MAGI2: variants seen among roughly 807,000 people sequenced by gnomAD.
MAGI2 encodes membrane-associated guanylate kinase, WW and PDZ domain-containing protein 2.
Under a neutral mutation model 133.3 loss-of-function variants are expected in MAGI2, and 35 were observed. The observed-to-expected ratio is 0.26, with a 90% CI of 0.20 to 0.35. The LOEUF (loss-of-function observed/expected upper bound fraction) is 0.35, where lower values mean the gene tolerates loss of function less well. MAGI2 is among the 10% of genes least tolerant of loss of function. The pLI, the probability that MAGI2 is intolerant of heterozygous loss-of-function variation, is 1.00. For synonymous variants in MAGI2, 729 were observed against 710.6 expected (o/e 1.03, Z -0.41); for missense variants, 1,636 against 1,863.4 (o/e 0.88, Z 2.25).
chr7:79,444,784 G>A (rs1193602324), intron 1 of MAGI2, among the ~76,000 whole-genome samples: 1 of 152,078 alleles, frequency 6.6e-6, no homozygotes, highest in Admixed American at 6.6e-5. Flanking sequence ...AGCTACCAAT[G>A]ACTTTCTTCA....
chr7:78,277,106 T>G (rs1487588408), intron 9 of MAGI2, among the ~76,000 whole-genome samples: 1 of 152,196 alleles, frequency 6.6e-6, no homozygotes, highest in Non-Finnish European at 1.5e-5. Context: ...TACATTAGTT[T>G]GATGTATTTT....
intron 1 of MAGI2, among the ~76,000 whole-genome samples, chr7:79,087,843 C>T (rs1816668011): frequency 6.6e-6 from 1 of 151,952 alleles, no homozygotes; most frequent in Admixed American, 6.6e-5. Context: ...CTGTTATGTT[C>T]CATTGGTCTA....
At chr7:79,292,153 T>C (rs367845246) in intron 1 of MAGI2, among the ~76,000 whole-genome samples, 5 of 152,320 alleles carry the variant, frequency 3.3e-5, no homozygotes, top group African/African-American at 1.2e-4. Flanking sequence ...GTACCATTTT[T>C]TGAAAAACCT....
chr7:78,579,378 T>A (rs1423749576), intron 3 of MAGI2, among the ~76,000 whole-genome samples: 1 of 152,158 alleles, frequency 6.6e-6, no homozygotes, highest in Non-Finnish European at 1.5e-5. Context: ...GAAGGAGGGT[T>A]GAGCTGAAGA....
chr7:79,272,609 G>A (rs1049993550), intron 1 of MAGI2, among the ~76,000 whole-genome samples: 2 of 151,982 alleles, frequency 1.3e-5, no homozygotes, highest in Non-Finnish European at 2.9e-5. Context: ...GCAATGCACT[G>A]AGCCCTCTTT....
chr7:78,938,332 A>C (rs192357881), intron 2 of MAGI2, among the ~76,000 whole-genome samples: 1 of 152,228 alleles, frequency 6.6e-6, no homozygotes, highest in Admixed American at 6.5e-5. Context: ...TAACGATTCA[A>C]AGTTGTGTTC....
intron 1 of MAGI2, among the ~76,000 whole-genome samples, chr7:79,044,098 ATAAAAACC>A (rs1811947798): frequency 6.6e-6 from 1 of 152,170 alleles, no homozygotes; most frequent in Admixed American, 6.6e-5. Flanking sequence ...TCATTCTAAC[ATAAAAACC>A]TGTAGAGATA....
At chr7:78,084,861 G>A (rs3779308) in intron 20 of MAGI2, among the ~76,000 whole-genome samples, 31,010 of 152,098 alleles carry the variant, frequency 0.2, 3,158 homozygotes, top group South Asian at 0.24. Flanking sequence ...ATATCTACTG[G>A]CTGTTTTCAT....
intron 10 of MAGI2, among the ~76,000 whole-genome samples, chr7:78,203,843 GA>G (rs1374647562): frequency 6.6e-6 from 1 of 152,216 alleles, no homozygotes; most frequent in African/African-American, 2.4e-5. Context: ...GATGAAGACA[GA>G]AGGTCAAATT....
chr7:78,431,000 T>C (rs541545525), intron 6 of MAGI2, among the ~76,000 whole-genome samples: 26 of 152,140 alleles, frequency 1.7e-4, no homozygotes, highest in African/African-American at 6.0e-4. Flanking sequence ...ATTTAATTCA[T>C]TTCCCAGAGA....
intron 2 of MAGI2, among the ~76,000 whole-genome samples, chr7:78,959,566 C>T (rs970070257): frequency 6.6e-6 from 1 of 152,050 alleles, no homozygotes; most frequent in Non-Finnish European, 1.5e-5. Flanking sequence ...GTCATTGAAG[C>T]AATACATTAT....
Position 78,018,973 on chromosome 7 carries a change from G to T in MAGI2, c.*342C>A, listed in dbSNP as rs1257452416. ...CTGTTTCTTGATATAAAGTTTGGAT[G>T]ACATCCAAGTCCTTCATGCAGTGGG... is the stretch of plus-strand genomic sequence containing the variant. On this transcript the variant is annotated 3_prime_UTR_variant, in exon 22 of 22. Coordinates refer to ENST00000354212, the MANE Select transcript of MAGI2 (RefSeq NM_012301.4). The T allele has an allele frequency of 2.5e-6, 1 of 397,010 alleles. No homozygotes were observed. The highest frequency in any genetic ancestry group is 4.4e-6 in the Non-Finnish European group (1 of 225,290). The allele number at this position is 397,010 out of a possible 1,614,324, so 24.6% of individuals were successfully genotyped here. A position where few individuals can be genotyped will look rare whatever the true frequency, so the allele number is the denominator to read the frequency against.
At position 78,079,071 on chromosome 7, in the gene MAGI2, G is replaced by A; in HGVS notation, c.3582C>T (p.Ile1194=). ...RNGRMRVGDQ[I]IEINGESTRD... ...TTGTGCTTTCCCCATTGATTTCAAT[G>A]ATTTGATCTCCTACCTGTTGATTAA... Residue 1194 remains isoleucine, a synonymous_variant, in exon 21 of 22, where the codon ATC becomes ATT. Transcript: ENST00000354212. 6.2e-7 allele frequency: 1 copy of A among 1,613,538 alleles called. No homozygotes were observed. Among genetic ancestry groups the A allele is most frequent in the Admixed American group, 1.7e-5 (1 of 59,914 alleles).
intron 1 of MAGI2, among the ~76,000 whole-genome samples, chr7:79,315,102 C>A (rs550746272): frequency 5.9e-5 from 9 of 151,264 alleles, no homozygotes; most frequent in Non-Finnish European, 1.3e-4. Flanking sequence ...ATTTGCAACT[C>A]TACGAATATC....
At chr7:78,686,037 A>G (rs1176457611) in intron 2 of MAGI2, among the ~76,000 whole-genome samples, 7 of 133,428 alleles carry the variant, frequency 5.2e-5, no homozygotes, top group Admixed American at 2.4e-4. Context: ...TCTTTTACCT[A>G]TTCACATTGG....
chr7:78,691,126 C>CT (rs1299189025), intron 2 of MAGI2, among the ~76,000 whole-genome samples: 1 of 152,152 alleles, frequency 6.6e-6, no homozygotes, highest in African/African-American at 2.4e-5. Flanking sequence ...GCCTAGAATA[C>CT]TTTTTAACCT....
At chr7:78,144,799 G>T (rs962241335) in intron 16 of MAGI2, among the ~76,000 whole-genome samples, 1 of 152,018 alleles carries the variant, frequency 6.6e-6, no homozygotes, top group African/African-American at 2.4e-5. Context: ...CGTGCAGAAC[G>T]TGCAGGTTTG....
At position 79,115,803 on chromosome 7, in the gene MAGI2, G is replaced by T. The variant is rs965852353; in HGVS notation, c.302-108597C>A. Among the ~76,000 whole-genome samples the T allele has an allele frequency of 4.3e-5, 6 of 138,406 alleles. No homozygotes were observed. The South Asian group carries it at 9.2e-4, about 21-fold the overall frequency. 90.8% of individuals were successfully genotyped at this position (138,406 alleles called of 152,430 possible). A position where few individuals can be genotyped will look rare whatever the true frequency, so the allele number is the denominator to read the frequency against. The stretch of plus-strand genomic sequence containing the variant: ...GGATTCTAAGCAGTATAGCCATTTT[G>T]GTTATTAAAATTAATTTAAAATGTC... On this transcript the variant is annotated intron_variant, in intron 1 of 21. Coordinates refer to ENST00000354212, the MANE Select transcript of MAGI2 (RefSeq NM_012301.4).
At chr7:78,648,604 T>G (rs544915600) in intron 2 of MAGI2, among the ~76,000 whole-genome samples, 3 of 152,326 alleles carry the variant, frequency 2.0e-5, no homozygotes, top group African/African-American at 7.2e-5. Flanking sequence ...AATTAGCGGG[T>G]CTACCTTGGA....
Sources: allele counts gnomAD v4.1 joint callset (sites outside exome capture counted in the v4.1 genomes callset), GRCh38; gene constraint gnomAD v4.1.1; transcripts MANE v1.5; gene names NCBI Gene and HGNC (gene_info 2026-07-23, HGNC 2026-07-21).